The following PI4KA variants were observed in gnomAD, a reference collection of about 807,000 sequenced individuals.
PI4KA encodes PI4-kinase alpha.
Under a neutral mutation model 271.4 loss-of-function variants are expected in PI4KA, and 122 were observed. The ratio of observed to expected loss-of-function variants is 0.45; its 90% CI spans 0.39 to 0.52. The LOEUF (loss-of-function observed/expected upper bound fraction) is 0.52, where lower values mean the gene tolerates loss of function less well. Ranked by LOEUF, PI4KA falls within the 20% of genes least tolerant of loss-of-function variation. The probability of loss-of-function intolerance (pLI) is 0.00; values close to 1 mark genes in which losing one functional copy is unlikely to be tolerated. For missense variants in PI4KA, 1,969 were observed against 2,769.1 expected, an observed-to-expected ratio of 0.71 and a Z score of 6.48; for synonymous variants, 1,041 against 1,078.8, an observed-to-expected ratio of 0.96 and a Z score of 0.69.
chr22:20,741,339 A>C (rs1040825022), intron 32 of PI4KA, among the ~76,000 whole-genome samples: 1 of 152,158 alleles, frequency 6.6e-6, no homozygotes, highest in Admixed American at 6.6e-5. Flanking sequence ...CCCGCCCAGG[A>C]ATCAGAGCCC....
chr22:20,799,552 G>A (rs1935175440), intron 15 of PI4KA, 119 bp downstream of exon 15: 1 of 784,438 alleles, frequency 1.3e-6, no homozygotes, highest in South Asian at 1.6e-5. Flanking sequence ...CCTGATACAT[G>A]CCTATGCTCT....
chr22:20,852,332 A>G (rs1028217302), intron 1 of PI4KA, among the ~76,000 whole-genome samples: 1 of 152,170 alleles, frequency 6.6e-6, no homozygotes, highest in African/African-American at 2.4e-5. Context: ...CCCTGGGGAG[A>G]CAAACAGCTG....
At chr22:20,857,928 T>C (rs1053703666) in intron 1 of PI4KA, among the ~76,000 whole-genome samples, 2 of 152,208 alleles carry the variant, frequency 1.3e-5, no homozygotes, top group Non-Finnish European at 2.9e-5. Context: ...CCAAGTTCAC[T>C]TCTCTGCCCA....
At chr22:20,724,967 C>T (rs183211251) in intron 42 of PI4KA, among the ~76,000 whole-genome samples, 44 of 152,340 alleles carry the variant, frequency 2.9e-4, no homozygotes, top group Non-Finnish European at 5.7e-4. Context: ...GAGTGTGGCT[C>T]CACACATATC....
intron 19 of PI4KA, among the ~76,000 whole-genome samples, chr22:20,777,569 G>T (rs935947940): frequency 6.6e-6 from 1 of 152,156 alleles, no homozygotes; most frequent in African/African-American, 2.4e-5. Flanking sequence ...GCCCACACTG[G>T]TCTTGAGCTC....
intron 32 of PI4KA, 56 bp downstream of exon 32, chr22:20,742,172 C>T: frequency 6.3e-7 from 1 of 1,578,518 alleles, no homozygotes; most frequent in Non-Finnish European, 8.6e-7. Context: ...AGGGAAGGCT[C>T]TTCCCGTCTG....
intron 19 of PI4KA, among the ~76,000 whole-genome samples, chr22:20,772,804 A>G (rs529419535): frequency 1.2e-4 from 18 of 152,174 alleles, no homozygotes; most frequent in Non-Finnish European, 2.1e-4. Context: ...ACAAATTATC[A>G]TAAGGCCGGG....
chr22:20,796,449 C>T (rs1934993155), intron 17 of PI4KA, 135 bp from the exon 18 acceptor site: 1 of 700,410 alleles, frequency 1.4e-6, no homozygotes, highest in Non-Finnish European at 2.4e-6. Flanking sequence ...TGTCTGTAAA[C>T]CAAAGAACTC....
At chr22:20,762,136 G>A (rs534168868) in intron 22 of PI4KA, among the ~76,000 whole-genome samples, 35 of 152,210 alleles carry the variant, frequency 2.3e-4, no homozygotes, top group African/African-American at 6.7e-4. Context: ...AGGAAAAAGC[G>A]CATGCACTTG....
chr22:20,740,820 C>A (rs191813083), intron 32 of PI4KA, among the ~76,000 whole-genome samples: 52 of 152,158 alleles, frequency 3.4e-4, no homozygotes, highest in Non-Finnish European at 6.5e-4. Context: ...ATGCTAAAAA[C>A]AATAAAACAA....
At position 20,764,931 on chromosome 22, in the gene PI4KA, C is replaced by A; in HGVS notation, c.2594G>T (p.Arg865Leu). The stretch of plus-strand genomic sequence containing the variant: ...GTCCAGCAGGTTGATGATAGTGCTG[C>A]GGAGCTCACTCAGCTCAGCCTGGAG... ...TVTPAELSEL[R>L]STIINLLDPP... Residue 865 changes from arginine to leucine, a missense_variant, in exon 22 of 55, where the codon CGC becomes CTC. By Grantham distance (102) the Arg-to-Leu change is moderately radical. This residue lies in a region of PI4KA where 368 missense variants were observed against 544.3 expected (regional missense o/e 0.68). Transcript: ENST00000255882. 1 of 1,610,180 alleles carries A rather than the reference C, an allele frequency of 6.2e-7. No individual in the cohort carries two copies. Among genetic ancestry groups the A allele is most frequent in the African/African-American group, 1.3e-5 (1 of 74,930 alleles).
Position 20,799,773 on chromosome 22 carries a change from A to T in PI4KA, c.1725-7T>A, listed in dbSNP as rs1935194101. 6.5e-7 allele frequency: 1 copy of T among 1,544,024 alleles called. No individual in the cohort carries two copies. The highest frequency in any genetic ancestry group is 8.8e-7 in the Non-Finnish European group (1 of 1,141,214). ...CAATCCAGCCTTCAGGCACCTGAGG[A>T]GCAAGAAAACCCATGTGGCACTGAG... is the stretch of plus-strand genomic sequence containing the variant. On this transcript the variant is annotated splice_region_variant and splice_polypyrimidine_tract_variant and intron_variant, in intron 14 of 54. Transcript: ENST00000255882.
intron 1 of PI4KA, among the ~76,000 whole-genome samples, chr22:20,845,882 A>G (rs1409359134): frequency 2.0e-5 from 3 of 151,744 alleles, no homozygotes; most frequent in Non-Finnish European, 2.9e-5. Context: ...ACAAAATAAA[A>G]AAGATGCTCT....
At chr22:20,723,318 C>A (rs572897811) in intron 42 of PI4KA, among the ~76,000 whole-genome samples, 1 of 152,130 alleles carries the variant, frequency 6.6e-6, no homozygotes, top group African/African-American at 2.4e-5. Context: ...CCGCGCCCGG[C>A]CTACTGTTCC....
chr22:20,751,327 C>T lies in PI4KA; in HGVS notation c.3119G>A (p.Arg1040Gln), dbSNP rs1290059257. The T allele has an allele frequency of 8.7e-6, 14 of 1,613,924 alleles. No individual in the cohort carries two copies. The highest frequency in any genetic ancestry group is 1.6e-4 in the Middle Eastern group (1 of 6,082). The change falls in exon 27 of 55, where the codon CGG becomes CAG. Residue 1040 changes from arginine to glutamine, a missense_variant. This residue lies in a region of PI4KA where 368 missense variants were observed against 544.3 expected (regional missense o/e 0.68). Transcript: ENST00000255882. Reference sequence around the variant, plus strand: ...TTCGTACGTGTCAGGAACCGTGATCCGGTAGGGGGCGTCGGGGATGTCATA... The same window carrying T: ...TTCGTACGTGTCAGGAACCGTGATCTGGTAGGGGGCGTCGGGGATGTCATA... ...PYYDIPDAPY[R>Q]ITVPDTYEAR...
At chr22:20,843,172 T>TA (rs1258148005) in intron 1 of PI4KA, among the ~76,000 whole-genome samples, 1 of 151,858 alleles carries the variant, frequency 6.6e-6, no homozygotes, top group Non-Finnish European at 1.5e-5. Flanking sequence ...ATATTTTCTA[T>TA]AAAAAATATT....
intron 19 of PI4KA, among the ~76,000 whole-genome samples, chr22:20,789,432 C>A (rs1934489502): frequency 6.6e-6 from 1 of 152,206 alleles, no homozygotes; most frequent in African/African-American, 2.4e-5. Flanking sequence ...TGGGTTCAAG[C>A]AATTCTCCTG....
At position 20,798,717 on chromosome 22, in the gene PI4KA, T is replaced by C. The variant is rs569342804; in HGVS notation, c.2005-30A>G. On this transcript the variant is annotated intron_variant, in intron 16 of 54. Coordinates refer to ENST00000255882, the MANE Select transcript of PI4KA (RefSeq NM_058004.4). ...GAGAGAGCAAGATGCACTGTCACCA[T>C]GCAGGATGCCCTCATGAGGCCCCTC... 21 of 1,456,216 alleles carry C rather than the reference T, an allele frequency of 1.4e-5. No homozygotes were observed. In the Admixed American group the frequency reaches 3.2e-4, roughly 22 times the overall value. The allele number at this position is 1,456,216 out of a possible 1,614,324, so 90.2% of individuals were successfully genotyped here.
chr22:20,761,563 A>G (rs1157930255), intron 22 of PI4KA, among the ~76,000 whole-genome samples, 177 bp from the exon 23 acceptor site: 3 of 152,134 alleles, frequency 2.0e-5, no homozygotes, highest in Non-Finnish European at 2.9e-5. Context: ...ATACATTCCC[A>G]TATTTTTCAC....
Sources: allele counts gnomAD v4.1 joint callset (sites outside exome capture counted in the v4.1 genomes callset), GRCh38; gene constraint gnomAD v4.1.1; regional missense constraint gnomAD v4.1.1; transcripts MANE v1.5; gene names NCBI Gene and HGNC (gene_info 2026-07-23, HGNC 2026-07-21).